NRXN3: variants seen among roughly 807,000 people sequenced by gnomAD.
NRXN3 encodes the protein neurexin 3.
Under a neutral mutation model 137.6 loss-of-function variants are expected in NRXN3, and 32 were observed. The ratio of observed to expected loss-of-function variants is 0.23; its 90% CI spans 0.18 to 0.31. The LOEUF (loss-of-function observed/expected upper bound fraction) is 0.31, where lower values mean the gene tolerates loss of function less well. Among genes scored for constraint, NRXN3 ranks in the 10% least tolerant of loss-of-function variants. NRXN3 has a pLI of 1.00. For synonymous variants in NRXN3, 798 were observed against 784.5 expected, an observed-to-expected ratio of 1.02 and a Z score of -0.29; for missense variants, 1,574 against 2,062.5, an observed-to-expected ratio of 0.76 and a Z score of 4.59.
chr14:78,728,814 G>C (rs1274507319), intron 8 of NRXN3, among the ~76,000 whole-genome samples: 1 of 152,136 alleles, frequency 6.6e-6, no homozygotes, highest in South Asian at 2.1e-4. Context: ...CAGGAGAATC[G>C]CATGAACCCA....
chr14:78,754,411 CCT>C (rs1437971086), intron 8 of NRXN3, among the ~76,000 whole-genome samples: 2 of 152,172 alleles, frequency 1.3e-5, no homozygotes, highest in East Asian at 3.9e-4. Context: ...TAATATTTCC[CCT>C]GTTTCTTTCT....
intron 10 of NRXN3, among the ~76,000 whole-genome samples, chr14:78,867,536 C>T (rs948933877): frequency 3.3e-5 from 5 of 152,074 alleles, no homozygotes; most frequent in East Asian, 3.9e-4. Flanking sequence ...AGAAGGAGGC[C>T]GTAGAAACTT....
intron 19 of NRXN3, among the ~76,000 whole-genome samples, chr14:79,726,374 G>A (rs2098889333): frequency 6.6e-6 from 1 of 152,110 alleles, no homozygotes; most frequent in South Asian, 2.1e-4. Context: ...TTGTAGAACT[G>A]CTTCTACCTA....
chr14:79,415,743 CTA>C (rs1298876982), intron 15 of NRXN3, among the ~76,000 whole-genome samples: 2 of 152,070 alleles, frequency 1.3e-5, no homozygotes, highest in African/African-American at 4.8e-5. Flanking sequence ...AGCATTGAGC[CTA>C]TGTCTTAACT....
intron 19 of NRXN3, among the ~76,000 whole-genome samples, chr14:79,704,576 A>C (rs2098768947): frequency 6.6e-6 from 1 of 152,162 alleles, no homozygotes. Flanking sequence ...ATCAGGGCTC[A>C]ACTAATATTG....
Position 78,844,892 on chromosome 14 carries a change from A to C in NRXN3, c.2275+34548A>C, listed in dbSNP as rs553885353. ...AAAATGGTTTTATATTCAGATAACC[A>C]TTATTTGTTGGCCATGCCTCATTTA... On this transcript the variant is annotated intron_variant, in intron 10 of 20. Coordinates refer to ENST00000335750, the MANE Select transcript of NRXN3 (RefSeq NM_001330195.2). Among the ~76,000 whole-genome samples the C allele has an allele frequency of 2.0e-5, 3 of 152,248 alleles. No homozygotes were observed. In the South Asian group the frequency reaches 6.2e-4, roughly 32 times the overall value.
At chr14:78,640,470 T>C (rs1405889975) in intron 4 of NRXN3, among the ~76,000 whole-genome samples, 2 of 152,164 alleles carry the variant, frequency 1.3e-5, no homozygotes, top group African/African-American at 4.8e-5. Context: ...GCATGCATTT[T>C]CCCCACACTT....
At chr14:78,170,943 C>T (rs1595523302) in intron 1 of NRXN3, among the ~76,000 whole-genome samples, 1 of 115,536 alleles carries the variant, frequency 8.7e-6, no homozygotes, top group Non-Finnish European at 1.7e-5. Flanking sequence ...AGATTTTTAT[C>T]TTCTTCTTCT....
At chr14:79,032,012 G>T (rs2152494876) in intron 15 of NRXN3, among the ~76,000 whole-genome samples, 1 of 152,194 alleles carries the variant, frequency 6.6e-6, no homozygotes, top group Admixed American at 6.6e-5. Context: ...AGAAAACCAG[G>T]ATGGAAATTT....
chr14:79,832,709 C>T (rs192047297), intron 20 of NRXN3, among the ~76,000 whole-genome samples: 1 of 152,004 alleles, frequency 6.6e-6, no homozygotes, highest in African/African-American at 2.4e-5. Flanking sequence ...TAATGTCTAT[C>T]CCATTATCAC....
intron 16 of NRXN3, among the ~76,000 whole-genome samples, chr14:79,604,866 C>T (rs1339189908): frequency 1.3e-5 from 2 of 151,576 alleles, no homozygotes; most frequent in East Asian, 2.0e-4. Flanking sequence ...AATCTGTCTC[C>T]ACTAAAAATA....
At chr14:79,101,589 G>A (rs1204681524) in intron 15 of NRXN3, among the ~76,000 whole-genome samples, 2 of 152,120 alleles carry the variant, frequency 1.3e-5, no homozygotes, top group African/African-American at 2.4e-5. Flanking sequence ...GGTCAGCAAC[G>A]CTCCCTCTGA....
At chr14:79,416,441 C>T (rs1187207551) in intron 15 of NRXN3, among the ~76,000 whole-genome samples, 1 of 152,010 alleles carries the variant, frequency 6.6e-6, no homozygotes, top group Non-Finnish European at 1.5e-5. Flanking sequence ...CTTGTATGAC[C>T]AGAAAGTTAT....
At chr14:78,909,749 C>T (rs926872166) in intron 10 of NRXN3, among the ~76,000 whole-genome samples, 2 of 152,138 alleles carry the variant, frequency 1.3e-5, no homozygotes, top group Non-Finnish European at 2.9e-5. Flanking sequence ...TCATCTCTGA[C>T]AAAAGTGTCT....
intron 4 of NRXN3, among the ~76,000 whole-genome samples, chr14:78,301,048 A>G (rs754800535): frequency 6.6e-6 from 1 of 152,074 alleles, no homozygotes; most frequent in Non-Finnish European, 1.5e-5. Flanking sequence ...CATTGTTGCT[A>G]TTATTTGGAA....
At chr14:79,762,730 A>G (rs2099042909) in intron 19 of NRXN3, among the ~76,000 whole-genome samples, 2 of 151,686 alleles carry the variant, frequency 1.3e-5, no homozygotes, top group Non-Finnish European at 2.9e-5. Flanking sequence ...GATGCCTGTC[A>G]CAAAGAAAAA....
chr14:79,025,600 A>G (rs1030980549), intron 15 of NRXN3, among the ~76,000 whole-genome samples: 2 of 152,126 alleles, frequency 1.3e-5, no homozygotes, highest in Non-Finnish European at 2.9e-5. Context: ...TGGCATATTG[A>G]TCTTTCCCTG....
At chr14:79,781,691 C>T (rs1216847495) in intron 19 of NRXN3, among the ~76,000 whole-genome samples, 2 of 152,284 alleles carry the variant, frequency 1.3e-5, no homozygotes, top group African/African-American at 2.4e-5. Flanking sequence ...ACTCAGGATA[C>T]GAATCAAACC....
chr14:79,439,854 A>G (rs980136287), intron 15 of NRXN3, among the ~76,000 whole-genome samples: 4 of 152,202 alleles, frequency 2.6e-5, no homozygotes, highest in African/African-American at 9.7e-5. Context: ...ATATATTATC[A>G]ATAATAATCA....
Sources: gnomAD v4.1 joint callset for allele counts (sites outside exome capture counted in the v4.1 genomes callset) on GRCh38, gnomAD v4.1.1 for gene constraint, MANE v1.5 for transcripts, NCBI Gene and HGNC (gene_info 2026-07-23, HGNC 2026-07-21) for gene names.